SYT14: variants seen among roughly 807,000 people sequenced by gnomAD.
The protein encoded by SYT14 is synaptotagmin-14.
SYT14 carries 32 observed loss-of-function variants against 74.2 expected under a neutral mutation model. That is an observed-to-expected ratio of 0.43 (90% CI 0.33 to 0.58). The LOEUF (loss-of-function observed/expected upper bound fraction) is 0.58. Ranked by LOEUF, SYT14 falls within the 20% of genes least tolerant of loss-of-function variation. The probability of loss-of-function intolerance (pLI) is 0.05; values close to 1 mark genes in which losing one functional copy is unlikely to be tolerated. For synonymous variants in SYT14, 298 were observed against 337.7 expected, an observed-to-expected ratio of 0.88 and a Z score of 1.29; for missense variants, 791 against 981.8, an observed-to-expected ratio of 0.81 and a Z score of 2.60.
At chr1:210,122,835 C>T (rs1020727421) in intron 7 of SYT14, among the ~76,000 whole-genome samples, 1 of 152,008 alleles carries the variant, frequency 6.6e-6, no homozygotes, top group African/African-American at 2.4e-5. Context: ...TGTATATTCA[C>T]CTTATGATTT....
At chr1:210,163,452 A>G (rs937502807) in exon 10 of SYT14, 3 of 453,708 alleles carry the variant, frequency 6.6e-6, no homozygotes, top group South Asian at 1.6e-5. Context: ...GAGTGTATGT[A>G]TCTGTATACA....
At chr1:210,108,992 G>A (rs1043523962) in intron 7 of SYT14, among the ~76,000 whole-genome samples, 1 of 152,140 alleles carries the variant, frequency 6.6e-6, no homozygotes, top group Non-Finnish European at 1.5e-5. Flanking sequence ...TTACTGGAGA[G>A]GGATAATTTT....
At chr1:210,020,057 G>C (rs932851738) in intron 4 of SYT14, among the ~76,000 whole-genome samples, 1 of 152,132 alleles carries the variant, frequency 6.6e-6, no homozygotes, top group Admixed American at 6.5e-5. Flanking sequence ...TTTTGTCTGT[G>C]CATACCTATG....
intron 5 of SYT14, among the ~76,000 whole-genome samples, chr1:210,048,089 C>T (rs903939198): frequency 2.6e-5 from 4 of 152,216 alleles, no homozygotes; most frequent in African/African-American, 7.2e-5. Context: ...TCCTGTTCCC[C>T]AATACCTAGT....
chr1:209,991,374 C>T (rs1403536943), intron 2 of SYT14, among the ~76,000 whole-genome samples: 1 of 152,148 alleles, frequency 6.6e-6, no homozygotes, highest in Non-Finnish European at 1.5e-5. Flanking sequence ...TACTAGCCAA[C>T]TTTGCATCTG....
chr1:209,989,641 G>A (rs1484186729), intron 2 of SYT14, among the ~76,000 whole-genome samples: 1 of 152,076 alleles, frequency 6.6e-6, no homozygotes, highest in Non-Finnish European at 1.5e-5. Context: ...AGTTAACAGT[G>A]ATAAAAGATA....
intron 7 of SYT14, among the ~76,000 whole-genome samples, chr1:210,142,361 G>A (rs945985774): frequency 1.3e-5 from 2 of 152,124 alleles, no homozygotes; most frequent in Admixed American, 6.6e-5. Context: ...AGTGTTGCAG[G>A]CCTTTAGTTA....
At chr1:210,029,687 G>A (rs2102986568) in intron 5 of SYT14, among the ~76,000 whole-genome samples, 1 of 152,260 alleles carries the variant, frequency 6.6e-6, no homozygotes, top group Admixed American at 6.5e-5. Flanking sequence ...TTGAAATCAA[G>A]AAGTTTGAGT....
At chr1:209,987,688 G>A (rs2079595121) in intron 2 of SYT14, among the ~76,000 whole-genome samples, 1 of 152,198 alleles carries the variant, frequency 6.6e-6, no homozygotes, top group Non-Finnish European at 1.5e-5. Context: ...AAGTTGTGTT[G>A]TGTTGTTTTA....
intron 7 of SYT14, among the ~76,000 whole-genome samples, chr1:210,102,984 TA>T (rs1327514095): frequency 3.9e-5 from 6 of 152,150 alleles, no homozygotes; most frequent in Non-Finnish European, 7.4e-5. Context: ...GGCCTTCTAG[TA>T]GCTTTTGAAT....
At chr1:210,054,244 A>G (rs530495837) in intron 5 of SYT14, among the ~76,000 whole-genome samples, 1 of 152,276 alleles carries the variant, frequency 6.6e-6, no homozygotes, top group Non-Finnish European at 1.5e-5. Context: ...GTAAAAAAAA[A>G]TTGAATCATT....
At chr1:209,949,016 C>G (rs965018281) in intron 1 of SYT14, among the ~76,000 whole-genome samples, 1 of 152,110 alleles carries the variant, frequency 6.6e-6, no homozygotes, top group Admixed American at 6.6e-5. Context: ...TTTGGATAAC[C>G]ACCACATCTA....
At chr1:210,031,644 T>C (rs1383707276) in intron 5 of SYT14, among the ~76,000 whole-genome samples, 2 of 152,168 alleles carry the variant, frequency 1.3e-5, no homozygotes, top group African/African-American at 4.8e-5. Flanking sequence ...TATTGTGTGT[T>C]TTAATGAATT....
At chr1:210,155,550 G>T (rs759688029) in intron 7 of SYT14, among the ~76,000 whole-genome samples, 171 bp from the exon 7 acceptor site, 20 of 152,220 alleles carry the variant, frequency 1.3e-4, no homozygotes, top group Non-Finnish European at 2.6e-4. Flanking sequence ...ATAATGAAAA[G>T]AAATCCAGGG....
chr1:210,029,528 A>G (rs2080483248), intron 5 of SYT14, among the ~76,000 whole-genome samples: 2 of 152,152 alleles, frequency 1.3e-5, no homozygotes, highest in African/African-American at 4.8e-5. Flanking sequence ...AGGCTCTTCT[A>G]CATTGTGTGG....
intron 5 of SYT14, among the ~76,000 whole-genome samples, chr1:210,063,235 T>G (rs2081238377): frequency 6.6e-6 from 1 of 151,818 alleles, no homozygotes; most frequent in African/African-American, 2.4e-5. Context: ...CTAGCTTTGA[T>G]TTTTGTTGCA....
chr1:209,969,032 A>G (rs184612359), intron 2 of SYT14, among the ~76,000 whole-genome samples: 22 of 152,194 alleles, frequency 1.4e-4, no homozygotes, highest in Non-Finnish European at 3.1e-4. Flanking sequence ...TTCACTTAGG[A>G]TAAGGGCCTC....
chr1:209,975,995 G>A (rs2079355416), intron 2 of SYT14, among the ~76,000 whole-genome samples: 3 of 152,108 alleles, frequency 2.0e-5, no homozygotes, highest in Admixed American at 6.5e-5. Context: ...TTGCATAGAG[G>A]TGTTTATAGT....
intron 2 of SYT14, among the ~76,000 whole-genome samples, chr1:209,975,063 G>T (rs563390203): frequency 1.3e-5 from 2 of 152,286 alleles, no homozygotes; most frequent in East Asian, 3.9e-4. Flanking sequence ...CATTGATTTT[G>T]TATCCTGAGA....
Sources: gnomAD v4.1 joint callset for allele counts (sites outside exome capture counted in the v4.1 genomes callset) on GRCh38, gnomAD v4.1.1 for gene constraint, MANE v1.5 for transcripts, NCBI Gene and HGNC (gene_info 2026-07-23, HGNC 2026-07-21) for gene names.